COG5: variants seen among roughly 807,000 people sequenced by gnomAD.
COG5 encodes component of oligomeric golgi complex 5.
COG5 carries 86 observed loss-of-function variants against 110.4 expected under a neutral mutation model. The observed-to-expected ratio is 0.78, with a 90% CI of 0.65 to 0.93. The LOEUF is 0.93. Among genes scored for constraint, COG5 ranks in the 40% least tolerant of loss-of-function variants. COG5 has a pLI of 0.00. For missense variants in COG5, 1,077 were observed against 987.0 expected, an observed-to-expected ratio of 1.09 and a Z score of -1.22; for synonymous variants, 360 against 334.6, an observed-to-expected ratio of 1.08 and a Z score of -0.83.
In COG5 at chr7:107,203,506, T is replaced by C. The variant is rs1210346697; in HGVS notation, c.*10A>G. ...AGCACAAAGTGGAGATGAACAAAGA[T>C]TTCATGTCATTACTGAAGAGCAGAC... On this transcript the variant is annotated 3_prime_UTR_variant, in exon 22 of 22. Coordinates refer to ENST00000297135, the MANE Select transcript of COG5 (RefSeq NM_006348.5). 8 of 1,586,420 alleles carry C rather than the reference T, an allele frequency of 5.0e-6. No homozygotes were observed. The Middle Eastern group carries it at 6.6e-4, about 131-fold the overall frequency.
At chr7:107,241,038 A>C (rs1801580127) in intron 17 of COG5, among the ~76,000 whole-genome samples, 1 of 152,244 alleles carries the variant, frequency 6.6e-6, no homozygotes, top group Non-Finnish European at 1.5e-5. Context: ...TATCAGTTGA[A>C]GAAACAGTTT....
intron 5 of COG5, among the ~76,000 whole-genome samples, chr7:107,527,636 C>T (rs1800873297): frequency 6.6e-6 from 1 of 152,132 alleles, no homozygotes; most frequent in African/African-American, 2.4e-5. Flanking sequence ...TAAATAATCG[C>T]AAGTCTTAAA....
At chr7:107,208,210 C>A in intron 21 of COG5, 3 of 985,370 alleles carry the variant, frequency 3.0e-6, no homozygotes, top group Non-Finnish European at 3.6e-6. Flanking sequence ...TTGCTAAGGG[C>A]ATGAAGGTTC....
chr7:107,495,916 ATTTATTTT>A (rs1798244489), intron 6 of COG5, among the ~76,000 whole-genome samples: 19 of 81,916 alleles, frequency 2.3e-4, no homozygotes, highest in Non-Finnish European at 5.1e-4. Flanking sequence ...ACTTTATTTC[ATTTATTTT>A]TTATTTATTT....
chr7:107,380,570 G>T (rs2129052947), intron 7 of COG5, among the ~76,000 whole-genome samples: 1 of 152,214 alleles, frequency 6.6e-6, no homozygotes, highest in South Asian at 2.1e-4. Context: ...TAGAAGAAAT[G>T]GATAAATTCC....
At chr7:107,251,406 T>C (rs1341960346) in intron 16 of COG5, among the ~76,000 whole-genome samples, 3 of 152,126 alleles carry the variant, frequency 2.0e-5, no homozygotes, top group Admixed American at 1.3e-4. Flanking sequence ...TAAATGATGA[T>C]TTAAAATAAT....
intron 6 of COG5, among the ~76,000 whole-genome samples, chr7:107,503,405 C>T (rs916413747): frequency 1.1e-4 from 16 of 152,072 alleles, no homozygotes; most frequent in African/African-American, 3.6e-4. Context: ...CTGTATACAG[C>T]CTTGTAGTAT....
At chr7:107,509,487 CAGG>C (rs1799323440) in intron 6 of COG5, among the ~76,000 whole-genome samples, 1 of 152,084 alleles carries the variant, frequency 6.6e-6, no homozygotes, top group Admixed American at 6.5e-5. Context: ...GGATATTATC[CAGG>C]AGAACTTCCC....
chr7:107,490,007 A>G (rs1362035831), intron 6 of COG5, among the ~76,000 whole-genome samples: 1 of 152,162 alleles, frequency 6.6e-6, no homozygotes. Context: ...TTTTATCATT[A>G]TTATTCTGAA....
intron 16 of COG5, among the ~76,000 whole-genome samples, chr7:107,256,160 T>A (rs1802867170): frequency 6.6e-6 from 1 of 152,158 alleles, no homozygotes; most frequent in Non-Finnish European, 1.5e-5. Context: ...TATAGTTATG[T>A]TTGTATAGAA....
chr7:107,227,339 T>A (rs943500819), intron 19 of COG5, among the ~76,000 whole-genome samples: 3 of 152,134 alleles, frequency 2.0e-5, no homozygotes, highest in Admixed American at 2.0e-4. Context: ...CAAATATCAA[T>A]AGAAAGTATC....
At chr7:107,524,873 A>T (rs1563082273) in intron 6 of COG5, among the ~76,000 whole-genome samples, 1 of 152,162 alleles carries the variant, frequency 6.6e-6, no homozygotes, top group Non-Finnish European at 1.5e-5. Flanking sequence ...TTTACACTGC[A>T]TTATACTAAC....
At chr7:107,463,235 C>T (rs1796107806) in intron 6 of COG5, among the ~76,000 whole-genome samples, 1 of 152,234 alleles carries the variant, frequency 6.6e-6, no homozygotes, top group South Asian at 2.1e-4. Flanking sequence ...CAAAATGATA[C>T]TAAGGCCAGG....
chr7:107,474,796 T>C lies in COG5; in HGVS notation c.538+52441A>G. ...TCTTAATATTCGAATAGGCACAAGA[T>C]TTTCAACAGGGCAGAAGAAGAAAGC... is the stretch of plus-strand genomic sequence containing the variant. On this transcript the variant is annotated intron_variant, in intron 6 of 21. Transcript: ENST00000297135. This position sits in a 1 kb window ranked among gnomAD's most constrained non-coding sequence, Gnocchi z 5.7. 1.2e-6 allele frequency: 2 copies of C among 1,612,570 alleles called. No homozygotes were observed. The highest frequency in any genetic ancestry group is 1.7e-6 in the Non-Finnish European group (2 of 1,179,386).
intron 6 of COG5, among the ~76,000 whole-genome samples, chr7:107,511,207 G>C (rs1799480431): frequency 6.6e-6 from 1 of 152,046 alleles, no homozygotes; most frequent in African/African-American, 2.4e-5. Flanking sequence ...AAATGATAAA[G>C]GGGATATCAC....
chr7:107,492,617 C>T (rs1438912403), intron 6 of COG5, among the ~76,000 whole-genome samples: 2 of 152,086 alleles, frequency 1.3e-5, no homozygotes, highest in South Asian at 2.1e-4. Context: ...AAGACATCTA[C>T]ATACCTTGGC....
chr7:107,405,747 C>T (rs968808691), intron 7 of COG5, among the ~76,000 whole-genome samples: 2 of 152,048 alleles, frequency 1.3e-5, no homozygotes, highest in African/African-American at 4.8e-5. Context: ...GAAATCCTAA[C>T]TGCCAAGGTG....
At chr7:107,465,973 T>C (rs992127736) in intron 6 of COG5, among the ~76,000 whole-genome samples, 6 of 152,124 alleles carry the variant, frequency 3.9e-5, no homozygotes, top group Admixed American at 3.3e-4. Context: ...TGTAATCTAG[T>C]TGATCAATGG....
chr7:107,558,337 C>A (rs1338033932), intron 1 of COG5, among the ~76,000 whole-genome samples: 7 of 152,204 alleles, frequency 4.6e-5, no homozygotes. Flanking sequence ...CTGGCTCATG[C>A]CTGTAATCCC....
Sources: allele counts gnomAD v4.1 joint callset (sites outside exome capture counted in the v4.1 genomes callset), GRCh38; gene constraint gnomAD v4.1.1; non-coding constraint Gnocchi (gnomAD v3.1); transcripts MANE v1.5; gene names NCBI Gene and HGNC (gene_info 2026-07-23, HGNC 2026-07-21).